PIKFYVE: variants seen among roughly 807,000 people sequenced by gnomAD.
PIKFYVE encodes phosphoinositide kinase, FYVE-type zinc finger containing, also known as 1-phosphatidylinositol 3-phosphate 5-kinase.
PIKFYVE carries 122 observed loss-of-function variants against 257.9 expected under a neutral mutation model. That is an observed-to-expected ratio of 0.47 (90% CI 0.41 to 0.55). The LOEUF (loss-of-function observed/expected upper bound fraction) is 0.55. Ranked by LOEUF, PIKFYVE falls within the 20% of genes least tolerant of loss-of-function variation. The pLI is 0.00. For synonymous variants in PIKFYVE, 892 were observed against 868.9 expected, an observed-to-expected ratio of 1.03 and a Z score of -0.47; for missense variants, 2,160 against 2,536.6, an observed-to-expected ratio of 0.85 and a Z score of 3.19.
intron 12 of PIKFYVE, among the ~76,000 whole-genome samples, chr2:208,305,758 T>C (rs1223188173): frequency 1.3e-5 from 2 of 152,226 alleles, no homozygotes; most frequent in African/African-American, 4.8e-5. Flanking sequence ...ATTTAAATTA[T>C]AGTCCTATCA....
Position 208,314,568 on chromosome 2 carries a change from A to G in PIKFYVE, c.1826+145A>G. The G allele has an allele frequency of 2.9e-6, 3 of 1,038,580 alleles. No individual in the cohort carries two copies. The South Asian group carries it at 4.8e-5, about 17-fold the overall frequency. The allele number at this position is 1,038,580 out of a possible 1,614,324, so 64.3% of individuals were successfully genotyped here. A position where few individuals can be genotyped will look rare whatever the true frequency, so the allele number is the denominator to read the frequency against. On this transcript the variant is annotated intron_variant, in intron 14 of 41. Coordinates refer to ENST00000264380, the MANE Select transcript of PIKFYVE (RefSeq NM_015040.4). ...AAAATACTAAGGTTACTTAGGAAAT[A>G]CAGTCTATTTTGACTTGTGATTAAA...
chr2:208,278,320 A>G (rs1690369712), intron 5 of PIKFYVE, among the ~76,000 whole-genome samples: 1 of 151,678 alleles, frequency 6.6e-6, no homozygotes, highest in African/African-American at 2.4e-5. Context: ...AAACTACTAC[A>G]GAGTTCAGAA....
At position 208,339,405 on chromosome 2, in the gene PIKFYVE, T is replaced by C; in HGVS notation, c.4673-13T>C. ...TATGTAAATGACTCATTTAAGATTG[T>C]GTTTTTCTTTAGAGGATCGCTTCTT... On this transcript the variant is annotated splice_polypyrimidine_tract_variant and intron_variant, in intron 29 of 41. Coordinates refer to ENST00000264380, the MANE Select transcript of PIKFYVE (RefSeq NM_015040.4). 6.2e-7 allele frequency: 1 copy of C among 1,613,900 alleles called. No homozygotes were observed. Among genetic ancestry groups the C allele is most frequent in the Non-Finnish European group, 8.5e-7 (1 of 1,179,740 alleles).
At chr2:208,284,360 A>G (rs1324613755) in intron 5 of PIKFYVE, among the ~76,000 whole-genome samples, 1 of 151,200 alleles carries the variant, frequency 6.6e-6, no homozygotes, top group Non-Finnish European at 1.5e-5. Flanking sequence ...TCCCAGGTTC[A>G]AGCGATTCTC....
At chr2:208,274,171 C>T in intron 3 of PIKFYVE, 1 of 1,113,226 alleles carries the variant, frequency 9.0e-7, no homozygotes, top group East Asian at 2.6e-5. Flanking sequence ...GCCACTTGCT[C>T]TTGGCCTTCT....
At chr2:208,289,651 T>G (rs1333372504) in intron 7 of PIKFYVE, among the ~76,000 whole-genome samples, 1 of 152,066 alleles carries the variant, frequency 6.6e-6, no homozygotes, top group African/African-American at 2.4e-5. Flanking sequence ...AGGATGGTCT[T>G]GATCTCCTGA....
chr2:208,283,450 T>A (rs1268754510), intron 5 of PIKFYVE, among the ~76,000 whole-genome samples: 4 of 152,278 alleles, frequency 2.6e-5, no homozygotes, highest in African/African-American at 9.6e-5. Flanking sequence ...TGGCTCTGTT[T>A]ATTGATTTTA....
chr2:208,336,049 G>A lies in PIKFYVE; in HGVS notation c.4369G>A (p.Glu1457Lys). 6.2e-7 allele frequency: 1 copy of A among 1,613,980 alleles called. No homozygotes were observed. Among genetic ancestry groups the A allele is most frequent in the Non-Finnish European group, 8.5e-7 (1 of 1,179,962 alleles). The part of the protein sequence containing the change: ...MEDIFAQKEM[E>K]EGEFKNWIEK... ...AAGTTGTTTCTGTTCCTTGTAGATG[G>A]AAGAAGGTGAGTTCAAGAACTGGAT... Residue 1457 changes from glutamate to lysine, a missense_variant, in exon 27 of 42, where the codon GAA (glutamate) becomes AAA (lysine). Physicochemically the swap from Glu to Lys is moderately conservative, Grantham distance 56. Around this residue, in one of 12 missense-constraint regions of PIKFYVE, gnomAD observed 699 missense variants for 855.8 expected, o/e 0.82. Coordinates refer to ENST00000264380, the MANE Select transcript of PIKFYVE (RefSeq NM_015040.4).
At chr2:208,308,622 C>T (rs1252986543) in intron 12 of PIKFYVE, among the ~76,000 whole-genome samples, 2 of 151,764 alleles carry the variant, frequency 1.3e-5, no homozygotes, top group Non-Finnish European at 2.9e-5. Flanking sequence ...AACCACCATT[C>T]TACTTAGTAT....
intron 8 of PIKFYVE, 147 bp from the exon 9 acceptor site, chr2:208,300,790 A>G: frequency 1.1e-6 from 1 of 943,244 alleles, no homozygotes; most frequent in Admixed American, 2.0e-5. Flanking sequence ...CACGTATATG[A>G]CATTTGTATT....
chr2:208,266,832 C>G (rs751515580), intron 1 of PIKFYVE, among the ~76,000 whole-genome samples: 1 of 152,214 alleles, frequency 6.6e-6, no homozygotes, highest in Non-Finnish European at 1.5e-5. Context: ...GAAACGATAC[C>G]AACCGTGGGG....
chr2:208,269,839 A>G, intron 1 of PIKFYVE: 1 of 272,198 alleles, frequency 3.7e-6, no homozygotes, highest in Non-Finnish European at 7.6e-6. Context: ...GGCCTGGGGG[A>G]TGGGATAGCT....
chr2:208,325,678 A>G lies in PIKFYVE; in HGVS notation c.2867A>G (p.Gln956Arg). The stretch of plus-strand genomic sequence containing the variant: ...CAGGCTGTTGCCTCTGTGAAGCATC[A>G]AGAACATAGCACAACAGCTTGCCCG... ...LPQAVASVKH[Q>R]EHSTTACPAG... Residue 956 changes from glutamine to arginine, a missense_variant, in exon 20 of 42, where the codon CAA becomes CGA. By Grantham distance (43) the Gln-to-Arg change is conservative. Around this residue, in one of 12 missense-constraint regions of PIKFYVE, gnomAD observed 522 missense variants for 514.6 expected, o/e 1.01. Coordinates refer to ENST00000264380, the MANE Select transcript of PIKFYVE (RefSeq NM_015040.4). 1 of 1,614,168 alleles carries G rather than the reference A, an allele frequency of 6.2e-7. No individual in the cohort carries two copies. Among genetic ancestry groups the G allele is most frequent in the African/African-American group, 1.3e-5 (1 of 75,054 alleles).
intron 11 of PIKFYVE, 76 bp downstream of exon 11, chr2:208,304,394 G>T: frequency 6.5e-7 from 1 of 1,539,276 alleles, no homozygotes; most frequent in Non-Finnish European, 8.9e-7. Context: ...TATCTTGTTT[G>T]TTGAAATAAT....
chr2:208,352,007 T>C (rs546759550), intron 38 of PIKFYVE, among the ~76,000 whole-genome samples: 1 of 152,284 alleles, frequency 6.6e-6, no homozygotes, highest in Admixed American at 6.5e-5. Context: ...ATCTCTGTTA[T>C]GCTATTGAGG....
intron 24 of PIKFYVE, chr2:208,334,549 A>G (rs932853154): frequency 6.6e-6 from 1 of 152,286 alleles, no homozygotes; most frequent in African/African-American, 2.4e-5. Context: ...CCCTCTCTGA[A>G]TTGCTCATTC....
At chr2:208,355,137 G>T (rs1354659501) in intron 41 of PIKFYVE, 53 bp from the exon 42 acceptor site, 8 of 1,371,220 alleles carry the variant, frequency 5.8e-6, no homozygotes, top group Non-Finnish European at 8.3e-6. Flanking sequence ...GACTTCAGTT[G>T]CCCAATCAAT....
intron 5 of PIKFYVE, among the ~76,000 whole-genome samples, chr2:208,283,581 G>GC (rs111721282): frequency 0.011 from 1,680 of 147,066 alleles, 37 homozygotes; most frequent in African/African-American, 0.04. Flanking sequence ...CACTTCTTTT[G>GC]TTTTTTTTTT....
Position 208,325,725 on chromosome 2 carries a change from T to G in PIKFYVE, c.2914T>G (p.Phe972Val). The change falls in exon 20 of 42, where the codon TTT becomes GTT. Residue 972 changes from phenylalanine to valine, a missense_variant. Around this residue, in one of 12 missense-constraint regions of PIKFYVE, gnomAD observed 522 missense variants for 514.6 expected, o/e 1.01. Coordinates refer to ENST00000264380, the MANE Select transcript of PIKFYVE (RefSeq NM_015040.4). ...ACPAGLPCAF[F>V]APVPESLLPL... is the part of the protein sequence containing the mutation. ...CCCGGCGGGTCTCCCTTGTGCTTTCTTTGCACCTGTACCGGAATCATTGTT... is the reference window on the plus strand; with the variant it reads ...CCCGGCGGGTCTCCCTTGTGCTTTCGTTGCACCTGTACCGGAATCATTGTT... 6.2e-7 allele frequency: 1 copy of G among 1,613,380 alleles called. No homozygotes were observed. The highest frequency in any genetic ancestry group is 8.5e-7 in the Non-Finnish European group (1 of 1,179,462).
Sources: gnomAD v4.1 joint callset for allele counts (sites outside exome capture counted in the v4.1 genomes callset) on GRCh38, gnomAD v4.1.1 for gene constraint, gnomAD v4.1.1 regional missense constraint, MANE v1.5 for transcripts, NCBI Gene and HGNC (gene_info 2026-07-23, HGNC 2026-07-21) for gene names.